DSCAM: variants seen among roughly 807,000 people sequenced by gnomAD.
DSCAM encodes the protein DS cell adhesion molecule.
A neutral mutation model predicts 217.7 loss-of-function variants in DSCAM; 47 were observed. The observed-to-expected ratio is 0.22, with a 90% CI of 0.17 to 0.28. The LOEUF is 0.28. Ranked by LOEUF, DSCAM falls within the 10% of genes least tolerant of loss-of-function variation. The pLI is 1.00. For synonymous variants in DSCAM, 1,056 were observed against 1,015.3 expected, an observed-to-expected ratio of 1.04 and a Z score of -0.76; for missense variants, 2,080 against 2,618.3, an observed-to-expected ratio of 0.79 and a Z score of 4.49.
intron 3 of DSCAM, among the ~76,000 whole-genome samples, chr21:40,614,262 G>C (rs1418574562): frequency 6.6e-6 from 1 of 152,124 alleles, no homozygotes; most frequent in Non-Finnish European, 1.5e-5. Context: ...AGAAATTTTT[G>C]TTTTGTTTTC....
intron 3 of DSCAM, among the ~76,000 whole-genome samples, chr21:40,513,679 T>C (rs1027157334): frequency 6.6e-6 from 1 of 152,076 alleles, no homozygotes; most frequent in South Asian, 2.1e-4. Context: ...GAGGAATCTT[T>C]CCCCATGACC....
intron 6 of DSCAM, among the ~76,000 whole-genome samples, chr21:40,342,485 G>A (rs962731067): frequency 9.9e-5 from 15 of 151,174 alleles, no homozygotes; most frequent in Admixed American, 3.3e-4. Context: ...AATTCTATAC[G>A]GATAGCAACT....
intron 11 of DSCAM, among the ~76,000 whole-genome samples, chr21:40,247,539 A>G (rs569595011): frequency 6.6e-6 from 1 of 152,324 alleles, no homozygotes; most frequent in East Asian, 1.9e-4. Context: ...TAAAGTTCCA[A>G]AATGATCTCC....
At chr21:40,434,981 G>C (rs1383087418) in intron 3 of DSCAM, among the ~76,000 whole-genome samples, 2 of 152,154 alleles carry the variant, frequency 1.3e-5, no homozygotes. Flanking sequence ...TTTTGAGACA[G>C]GCCATCCTAT....
chr21:40,504,808 A>C (rs1418810082), intron 3 of DSCAM, among the ~76,000 whole-genome samples: 2 of 152,202 alleles, frequency 1.3e-5, no homozygotes, highest in African/African-American at 2.4e-5. Context: ...AACTATTTGC[A>C]GTTTTAAGAC....
intron 11 of DSCAM, chr21:40,212,579 T>C (rs2091196672): frequency 6.6e-6 from 1 of 152,614 alleles, no homozygotes; most frequent in African/African-American, 2.4e-5. Flanking sequence ...CACCAAGGTT[T>C]GTGAGGCCTC....
intron 1 of DSCAM, among the ~76,000 whole-genome samples, chr21:40,841,615 T>C (rs1430845352): frequency 6.6e-6 from 1 of 152,038 alleles, no homozygotes; most frequent in Non-Finnish European, 1.5e-5. Flanking sequence ...CGGAGATTGA[T>C]GGACTGCGGA....
chr21:40,330,158 TA>T (rs2074361035), intron 8 of DSCAM, among the ~76,000 whole-genome samples: 1 of 151,046 alleles, frequency 6.6e-6, no homozygotes, highest in Non-Finnish European at 1.5e-5. Flanking sequence ...AAAATGTAAA[TA>T]CATATTATTT....
chr21:40,349,318 A>G (rs895812128), intron 5 of DSCAM, among the ~76,000 whole-genome samples: 9 of 145,432 alleles, frequency 6.2e-5, no homozygotes, highest in Non-Finnish European at 1.2e-4. Flanking sequence ...AATTGTGAGG[A>G]AAAAAAAAAC....
At chr21:40,368,132 G>A (rs375343972) in intron 4 of DSCAM, among the ~76,000 whole-genome samples, 17 of 152,136 alleles carry the variant, frequency 1.1e-4, no homozygotes, top group Middle Eastern at 3.4e-3. Context: ...CTAATTTTGC[G>A]AATCCCAAAT....
rs1293335306 is a variant in DSCAM at position 40,699,669 on chromosome 21, TA to T, written c.362-6714del. 2.0e-5 allele frequency among the ~76,000 whole-genome samples: 3 copies of T among 152,326 alleles called. No individual in the cohort carries two copies. The East Asian group carries it at 5.8e-4, about 29-fold the overall frequency. ...GATTAAACTAGCCACAACATTGCCT[TA>T]AGCGAAAGCCTAAATCAAACTAAGT... On this transcript the variant is annotated intron_variant, in intron 2 of 32. Coordinates refer to ENST00000400454, the MANE Select transcript of DSCAM (RefSeq NM_001389.5).
intron 11 of DSCAM, among the ~76,000 whole-genome samples, chr21:40,268,181 T>G (rs564819099): frequency 6.6e-6 from 1 of 152,336 alleles, no homozygotes; most frequent in East Asian, 1.9e-4. Context: ...CCCATCTCCA[T>G]GTCTTTCTCA....
chr21:40,070,060 C>T (rs1321684186), intron 27 of DSCAM, among the ~76,000 whole-genome samples: 1 of 151,834 alleles, frequency 6.6e-6, no homozygotes, highest in Non-Finnish European at 1.5e-5. Flanking sequence ...CCCCCTCACC[C>T]CCATGCTCTT....
Position 40,653,008 on chromosome 21 carries a change from T to C in DSCAM, c.508+39802A>G, listed in dbSNP as rs73905029. Among the ~76,000 whole-genome samples, 285 of 152,324 alleles carry C rather than the reference T, an allele frequency of 1.9e-3. 4 individuals carry two copies. Among genetic ancestry groups the C allele is most frequent in the African/African-American group, 5.9e-3 (244 of 41,574 alleles). On this transcript the variant is annotated intron_variant, in intron 3 of 32. Transcript: ENST00000400454. The stretch of plus-strand genomic sequence containing the variant: ...GCTCCCTGGTTGATGATACTCTGTA[T>C]GTGTTGTCACAACTTCTTACTGGAA...
At chr21:40,360,257 C>A (rs149702095) in intron 4 of DSCAM, among the ~76,000 whole-genome samples, 22 of 151,142 alleles carry the variant, frequency 1.5e-4, no homozygotes, top group Non-Finnish European at 3.1e-4. Flanking sequence ...CTTAGCCTCC[C>A]GAGTAGCTGG....
intron 11 of DSCAM, among the ~76,000 whole-genome samples, chr21:40,222,608 TACA>T (rs2091298092): frequency 6.6e-6 from 1 of 152,226 alleles, no homozygotes; most frequent in Non-Finnish European, 1.5e-5. Context: ...CAGAAGCAGC[TACA>T]AGCCAGACTT....
chr21:40,471,132 G>A (rs1014961128), intron 3 of DSCAM, among the ~76,000 whole-genome samples: 1 of 152,106 alleles, frequency 6.6e-6, no homozygotes, highest in Admixed American at 6.6e-5. Flanking sequence ...CTTTCTCTAA[G>A]GTTTAGCATA....
chr21:40,632,802 C>T lies in DSCAM; in HGVS notation c.508+60008G>A, dbSNP rs538272892. Among the ~76,000 whole-genome samples the T allele has an allele frequency of 1.7e-4, 26 of 152,258 alleles. No individual in the cohort carries two copies. The South Asian group carries it at 5.4e-3, about 32-fold the overall frequency. Reference sequence around the variant, plus strand: ...TTAACTGTGCTGCATCCACAGGAAGCCCAGCGCCACTGGAATGGAAAGATG... The same window carrying T: ...TTAACTGTGCTGCATCCACAGGAAGTCCAGCGCCACTGGAATGGAAAGATG... On this transcript the variant is annotated intron_variant, in intron 3 of 32. Coordinates refer to ENST00000400454, the MANE Select transcript of DSCAM (RefSeq NM_001389.5).
At chr21:40,191,473 TC>T (rs1041733907) in intron 11 of DSCAM, among the ~76,000 whole-genome samples, 167 of 151,958 alleles carry the variant, frequency 1.1e-3, no homozygotes, top group African/African-American at 3.7e-3. Context: ...TTGGTTCTGA[TC>T]CCCCCCTTCC....
Sources: gnomAD v4.1 joint callset for allele counts (sites outside exome capture counted in the v4.1 genomes callset) on GRCh38, gnomAD v4.1.1 for gene constraint, MANE v1.5 for transcripts, NCBI Gene and HGNC (gene_info 2026-07-23, HGNC 2026-07-21) for gene names.